Variants in RSF1 observed in about 807,000 individuals in gnomAD.
RSF1 encodes remodeling and spacing factor 1, also known as HBV pX-associated protein 8.
RSF1 carries 13 observed loss-of-function variants against 145.2 expected under a neutral mutation model. The ratio of observed to expected loss-of-function variants is 0.09; its 90% CI spans 0.06 to 0.14. RSF1 has a LOEUF of 0.14. RSF1 is among the 10% of genes least tolerant of loss of function. The probability of loss-of-function intolerance (pLI) is 1.00; values close to 1 mark genes in which losing one functional copy is unlikely to be tolerated. For missense variants in RSF1, 1,517 were observed against 1,718.2 expected, an observed-to-expected ratio of 0.88 and a Z score of 2.07; for synonymous variants, 577 against 592.6, an observed-to-expected ratio of 0.97 and a Z score of 0.38.
At chr11:77,716,680 T>C (rs995885662) in intron 5 of RSF1, among the ~76,000 whole-genome samples, 2 of 151,626 alleles carry the variant, frequency 1.3e-5, no homozygotes, top group African/African-American at 2.4e-5. Flanking sequence ...AGAGATCTAC[T>C]ACTGTACAAC....
At chr11:77,755,855 G>A (rs190430656) in intron 2 of RSF1, among the ~76,000 whole-genome samples, 13 of 152,192 alleles carry the variant, frequency 8.5e-5, no homozygotes, top group South Asian at 4.2e-4. Flanking sequence ...TGGGATTACC[G>A]GTGTGAAGAA....
chr11:77,672,043 T>A lies in RSF1; in HGVS notation c.3750A>T (p.Glu1250Asp). The change falls in exon 15 of 16, where the codon GAA becomes GAT. Residue 1250 changes from glutamate to aspartate, a missense_variant and splice_region_variant. By Grantham distance (45) the Glu-to-Asp change is conservative. This residue lies in a region of RSF1 where 240 missense variants were observed against 231.8 expected (regional missense o/e 1.04). Transcript: ENST00000308488. Reference sequence around the variant, plus strand: ...ATATATAGGAGACCTATGCCTTACCTTCACTCTCTGAGCTGGAAAGTCTTC... The same window carrying A: ...ATATATAGGAGACCTATGCCTTACCATCACTCTCTGAGCTGGAAAGTCTTC... ...HKRRLSSSES[E>D]ESYLSKNSED... 6.2e-7 allele frequency: 1 copy of A among 1,609,184 alleles called. No individual in the cohort carries two copies.
At chr11:77,848,279 A>G in the RSF1 span, among the ~76,000 whole-genome samples, 1 of 152,142 alleles carries the variant, frequency 6.6e-6, no homozygotes, top group Non-Finnish European at 1.5e-5. Context: ...TGAGAGATCC[A>G]TTTCCCTTCA....
intron 2 of RSF1, among the ~76,000 whole-genome samples, chr11:77,756,126 G>C (rs548621816): frequency 6.6e-6 from 1 of 152,192 alleles, no homozygotes; most frequent in East Asian, 1.9e-4. Flanking sequence ...GGGAGTGCAA[G>C]GCGGGCAGAT....
intron 1 of RSF1, among the ~76,000 whole-genome samples, chr11:77,805,010 A>G (rs1249819315): frequency 6.6e-6 from 1 of 152,000 alleles, no homozygotes; most frequent in Non-Finnish European, 1.5e-5. Flanking sequence ...TATATTAAAC[A>G]TGTGTTTATT....
chr11:77,805,608 A>G (rs976064661), intron 1 of RSF1, among the ~76,000 whole-genome samples: 1 of 152,218 alleles, frequency 6.6e-6, no homozygotes, highest in Non-Finnish European at 1.5e-5. Context: ...TCTTAAAAGC[A>G]TAAATGTTAA....
intron 12 of RSF1, among the ~76,000 whole-genome samples, chr11:77,677,750 C>T (rs1959746531): frequency 6.6e-6 from 1 of 151,982 alleles, no homozygotes; most frequent in South Asian, 2.1e-4. Context: ...TCTGATTATC[C>T]ATAATTTTTG....
the RSF1 span, among the ~76,000 whole-genome samples, chr11:77,857,583 ATTTAT>A: frequency 1.3e-5 from 2 of 151,790 alleles, no homozygotes; most frequent in Non-Finnish European, 2.9e-5. Context: ...TTATTTATTT[ATTTAT>A]TTTAATTTTA....
the RSF1 span, among the ~76,000 whole-genome samples, chr11:77,827,866 C>T: frequency 6.6e-6 from 1 of 152,154 alleles, no homozygotes; most frequent in African/African-American, 2.4e-5. Flanking sequence ...TGTAGGAAAT[C>T]CTAAAGAATC....
chr11:77,737,965 T>C (rs892302920), intron 4 of RSF1, among the ~76,000 whole-genome samples: 5 of 151,970 alleles, frequency 3.3e-5, no homozygotes, highest in Admixed American at 3.3e-4. Context: ...CCATCTCTAC[T>C]AAAACTACAA....
chr11:77,698,835 TA>T, intron 6 of RSF1, 142 bp from the exon 7 acceptor site: 1 of 680,660 alleles, frequency 1.5e-6, no homozygotes, highest in South Asian at 2.0e-5. Flanking sequence ...CATCATCAGA[TA>T]TAGCTATGGT....
chr11:77,766,154 G>T (rs1364099783), intron 1 of RSF1, among the ~76,000 whole-genome samples: 1 of 151,664 alleles, frequency 6.6e-6, no homozygotes, highest in Non-Finnish European at 1.5e-5. Flanking sequence ...AAAAAAAGTT[G>T]TTTTTTTATC....
intron 9 of RSF1, among the ~76,000 whole-genome samples, chr11:77,688,539 TC>T (rs1960068963): frequency 6.6e-6 from 1 of 152,220 alleles, no homozygotes; most frequent in South Asian, 2.1e-4. Context: ...ATCAAAATAG[TC>T]CTAGTAATTT....
At chr11:77,735,437 A>G (rs1961324227) in intron 4 of RSF1, among the ~76,000 whole-genome samples, 1 of 152,180 alleles carries the variant, frequency 6.6e-6, no homozygotes, top group Non-Finnish European at 1.5e-5. Flanking sequence ...TAAATTTATC[A>G]ATCATTAAGA....
intron 6 of RSF1, 100 bp downstream of exon 6, chr11:77,700,621 C>T (rs1960395091): frequency 1.3e-6 from 1 of 790,458 alleles, no homozygotes; most frequent in African/African-American, 1.8e-5. Context: ...AAGAAAGATA[C>T]TTTGTCAGTT....
chr11:77,785,292 T>A (rs992382430), intron 1 of RSF1, among the ~76,000 whole-genome samples: 1 of 152,236 alleles, frequency 6.6e-6, no homozygotes, highest in Non-Finnish European at 1.5e-5. Context: ...GAATTCTCAA[T>A]TTTTAAAGCA....
intron 1 of RSF1, among the ~76,000 whole-genome samples, chr11:77,765,312 AAC>A (rs1466486080): frequency 6.6e-6 from 1 of 152,210 alleles, no homozygotes; most frequent in Non-Finnish European, 1.5e-5. Flanking sequence ...AAATTAAACT[AAC>A]AGTTTCCAAA....
chr11:77,677,746 T>A (rs1398176417), intron 12 of RSF1, among the ~76,000 whole-genome samples: 1 of 152,222 alleles, frequency 6.6e-6, no homozygotes, highest in Non-Finnish European at 1.5e-5. Context: ...TGGTTCTGAT[T>A]ATCCATAATT....
At chr11:77,814,093 G>C (rs969765025) in intron 1 of RSF1, among the ~76,000 whole-genome samples, 1 of 151,810 alleles carries the variant, frequency 6.6e-6, no homozygotes, top group Non-Finnish European at 1.5e-5. Context: ...CCAGTTACTT[G>C]GGAGCGTGAG....
Sources: allele counts gnomAD v4.1 joint callset (sites outside exome capture counted in the v4.1 genomes callset), GRCh38; gene constraint gnomAD v4.1.1; regional missense constraint gnomAD v4.1.1; transcripts MANE v1.5; gene names NCBI Gene and HGNC (gene_info 2026-07-23, HGNC 2026-07-21).